Variants in ANKRD42 observed in about 807,000 individuals in gnomAD.
The protein encoded by ANKRD42 is ankyrin repeat domain-containing protein 42.
A neutral mutation model predicts 51.5 loss-of-function variants in ANKRD42; 43 were observed. The ratio of observed to expected loss-of-function variants is 0.83; its 90% CI spans 0.65 to 1.08. ANKRD42 has a LOEUF of 1.08. ANKRD42 is among the 50% of genes least tolerant of loss of function. The pLI is 0.00. For missense variants in ANKRD42, 608 were observed against 629.3 expected (o/e 0.97, Z 0.36); for synonymous variants, 203 against 213.0 (o/e 0.95, Z 0.41).
At chr11:83,255,970 C>A in exon 12 of ANKRD42, 1 of 1,450,210 alleles carries the variant, frequency 6.9e-7, no homozygotes, top group Non-Finnish European at 9.2e-7. Context: ...CTAGATTTTT[C>A]TCTTTCATTA....
At chr11:83,218,431 A>G (rs1221901051) in intron 5 of ANKRD42, among the ~76,000 whole-genome samples, 3 of 152,200 alleles carry the variant, frequency 2.0e-5, no homozygotes, top group African/African-American at 7.2e-5. Context: ...CTCATTTTCA[A>G]TAGGACTTAA....
intron 5 of ANKRD42, among the ~76,000 whole-genome samples, chr11:83,216,426 G>A (rs898094267): frequency 5.9e-5 from 9 of 151,818 alleles, no homozygotes; most frequent in Non-Finnish European, 1.2e-4. Flanking sequence ...TGGGGTTCAC[G>A]CCATTCTCCT....
chr11:83,237,894 C>T (rs1472767460), intron 8 of ANKRD42, among the ~76,000 whole-genome samples: 1 of 152,188 alleles, frequency 6.6e-6, no homozygotes, highest in Non-Finnish European at 1.5e-5. Flanking sequence ...TGACTGCTCC[C>T]CAGTGTGCCC....
chr11:83,235,519 T>C (rs964855731), intron 7 of ANKRD42, among the ~76,000 whole-genome samples: 2 of 152,236 alleles, frequency 1.3e-5, no homozygotes, highest in Admixed American at 6.5e-5. Flanking sequence ...ATTGCATTTT[T>C]TAAAAGTATT....
In ANKRD42 at chr11:83,224,922, G is replaced by A. The variant is rs1318196461; in HGVS notation, c.654G>A (p.Ala218=). The change falls in exon 6 of 11, where the codon GCG becomes GCA. Residue 218 remains alanine (A), a synonymous_variant. Transcript: ENST00000533342. ...FKFLVSRMSS[A]TQVLKAFNDN... is the part of the protein sequence containing the mutation. ...TCCTAGTCAGTAGAATGAGCAGTGC[G>A]ACGCAAGTTTTAAAAGCTTTCAATG... 9.9e-6 allele frequency: 16 copies of A among 1,612,944 alleles called. No individual in the cohort carries two copies. The highest frequency in any genetic ancestry group is 8.3e-5 in the Admixed American group (5 of 59,962).
At chr11:83,246,652 T>G (rs1863550987) in intron 10 of ANKRD42, among the ~76,000 whole-genome samples, 1 of 152,162 alleles carries the variant, frequency 6.6e-6, no homozygotes, top group East Asian at 1.9e-4. Context: ...TTTTCCTGCC[T>G]TTTCCTTTGG....
intron 11 of ANKRD42, chr11:83,255,751 T>C: frequency 1.1e-6 from 1 of 888,372 alleles, no homozygotes; most frequent in Non-Finnish European, 1.7e-6. Flanking sequence ...ACTAGCATGG[T>C]TAATTTTTTT....
At chr11:83,212,984 A>G in intron 5 of ANKRD42, 1 of 1,596,286 alleles carries the variant, frequency 6.3e-7, no homozygotes, top group South Asian at 1.1e-5. Flanking sequence ...CGGAGGTGGC[A>G]GCCATCTCCT....
At position 83,225,024 on chromosome 11, in the gene ANKRD42, G is replaced by GTA; in HGVS notation, c.758_759dup (p.Glu254MetfsTer6). The GTA allele has an allele frequency of 1.9e-6, 3 of 1,612,758 alleles. No individual in the cohort carries two copies. The highest frequency in any genetic ancestry group is 2.5e-6 in the Non-Finnish European group (3 of 1,179,182). The stretch of plus-strand genomic sequence containing the variant: ...TTTTACAGTTTATCCAGGGGGCTGA[G>GTA]TATGAAGGAAAAGACCTAGAGGATC... On this transcript the variant is annotated frameshift_variant, in exon 6 of 11. Coordinates refer to ENST00000533342, the MANE Select transcript of ANKRD42 (RefSeq NM_001300975.2). LOFTEE classifies it high-confidence loss of function.
intron 7 of ANKRD42, among the ~76,000 whole-genome samples, chr11:83,228,233 T>TC (rs1565190265): frequency 0.07 from 2,158 of 30,780 alleles, no homozygotes; most frequent in Middle Eastern, 0.1. Flanking sequence ...CTCTCTCTCT[T>TC]TTTTTTTTTT....
At chr11:83,226,720 G>A (rs999649428) in intron 6 of ANKRD42, among the ~76,000 whole-genome samples, 1 of 152,100 alleles carries the variant, frequency 6.6e-6, no homozygotes, top group Non-Finnish European at 1.5e-5. Flanking sequence ...AGGCTGAGGT[G>A]GGAGGATTGC....
downstream of ANKRD42, among the ~76,000 whole-genome samples, chr11:83,251,283 C>T (rs76519426): frequency 6.6e-6 from 1 of 152,230 alleles, no homozygotes; most frequent in East Asian, 1.9e-4. Context: ...TATCAAGCAC[C>T]TTGTACTGGT....
chr11:83,215,468 CT>C (rs1293874035), intron 5 of ANKRD42, among the ~76,000 whole-genome samples: 3 of 152,100 alleles, frequency 2.0e-5, no homozygotes, highest in Admixed American at 6.6e-5. Flanking sequence ...TAGGTGAAGA[CT>C]TACAGCTGCC....
rs1565171401 is a variant in ANKRD42, at chr11:83,194,576, GCCGCTGCAGT to G, written c.-94_-85del. 5.5e-6 allele frequency: 7 copies of G among 1,274,926 alleles called. No individual in the cohort carries two copies. Among genetic ancestry groups the G allele is most frequent in the Non-Finnish European group, 7.9e-6 (7 of 881,830 alleles). The allele number at this position is 1,274,926 out of a possible 1,614,324, so 79.0% of individuals were successfully genotyped here. ...AGTGACGACGGAGAAGAGGGCCGCT[GCCGCTGCAGT>G]GGCTCGTGGGTGAGAGCAAGTGAAG... On this transcript the variant is annotated 5_prime_UTR_variant, in exon 1 of 11. Transcript: ENST00000533342.
intron 7 of ANKRD42, among the ~76,000 whole-genome samples, chr11:83,233,937 C>T (rs1863154362): frequency 6.6e-6 from 1 of 152,216 alleles, no homozygotes; most frequent in Non-Finnish European, 1.5e-5. Context: ...CCCGCTTTGG[C>T]CTCCCGAAGT....
At chr11:83,258,820 T>C (rs1472405134), downstream of ANKRD42, among the ~76,000 whole-genome samples, 1 of 152,128 alleles carries the variant, frequency 6.6e-6, no homozygotes, top group African/African-American at 2.4e-5. Flanking sequence ...TTTTAATTGT[T>C]TTTCCAATAG....
intron 3 of ANKRD42, among the ~76,000 whole-genome samples, chr11:83,207,767 A>G (rs1862132889): frequency 6.6e-6 from 1 of 152,206 alleles, no homozygotes; most frequent in South Asian, 2.1e-4. Context: ...GACTTGTCCT[A>G]TTAATCTCTA....
downstream of ANKRD42, among the ~76,000 whole-genome samples, chr11:83,249,152 T>A (rs192498717): frequency 4.9e-4 from 75 of 152,326 alleles, no homozygotes; most frequent in Middle Eastern, 3.4e-3. Context: ...TGGCAGGGAC[T>A]CTGTGACTCC....
intron 1 of ANKRD42, among the ~76,000 whole-genome samples, chr11:83,196,485 A>G (rs1861662578): frequency 6.6e-6 from 1 of 151,704 alleles, no homozygotes; most frequent in African/African-American, 2.4e-5. Context: ...CACTGCTCCT[A>G]CTTGCCTTGG....
Sources: gnomAD v4.1 joint callset for allele counts (sites outside exome capture counted in the v4.1 genomes callset) on GRCh38, gnomAD v4.1.1 for gene constraint, MANE v1.5 for transcripts, NCBI Gene and HGNC (gene_info 2026-07-23, HGNC 2026-07-21) for gene names.